The following DISC1 variants were observed in gnomAD, a reference collection of about 807,000 sequenced individuals.
DISC1 encodes the protein DISC1 scaffold protein.
DISC1 carries 57 observed loss-of-function variants against 84.5 expected under a neutral mutation model. That is an observed-to-expected ratio of 0.67 (90% CI 0.55 to 0.84). The LOEUF (loss-of-function observed/expected upper bound fraction) is 0.84, where lower values mean the gene tolerates loss of function less well. Ranked by LOEUF, DISC1 falls within the 40% of genes least tolerant of loss-of-function variation. The pLI, the probability that DISC1 is intolerant of heterozygous loss-of-function variation, is 0.00. For missense variants in DISC1, 1,000 were observed against 1,057.8 expected (o/e 0.95, Z 0.76); for synonymous variants, 411 against 415.2 (o/e 0.99, Z 0.12).
intron 1 of DISC1, among the ~76,000 whole-genome samples, chr1:231,673,062 G>C (rs2062777358): frequency 1.3e-5 from 2 of 152,142 alleles, no homozygotes; most frequent in African/African-American, 4.8e-5. Flanking sequence ...GACTCCCTGG[G>C]GCTTACCCCA....
At chr1:232,021,253 A>T (rs1668926742) in intron 11 of DISC1, among the ~76,000 whole-genome samples, 1 of 151,508 alleles carries the variant, frequency 6.6e-6, no homozygotes, top group African/African-American at 2.4e-5. Context: ...TGTGGGTCGT[A>T]TTGCACTCAG....
At chr1:232,024,792 A>G (rs1449026747) in intron 11 of DISC1, among the ~76,000 whole-genome samples, 1 of 151,746 alleles carries the variant, frequency 6.6e-6, no homozygotes, top group Non-Finnish European at 1.5e-5. Context: ...GGGTTTAACC[A>G]TGTTGGCCAG....
intron 9 of DISC1, among the ~76,000 whole-genome samples, chr1:231,930,531 C>T (rs11584798): frequency 0.17 from 25,247 of 151,926 alleles, 2,306 homozygotes; most frequent in Non-Finnish European, 0.21. Flanking sequence ...AGTCTCCTGC[C>T]TGGAAGTGAC....
chr1:231,837,052 A>G (rs968081597), intron 9 of DISC1, among the ~76,000 whole-genome samples: 2 of 152,152 alleles, frequency 1.3e-5, no homozygotes, highest in African/African-American at 2.4e-5. Flanking sequence ...ACTGAAGACT[A>G]TAAATAAATG....
chr1:231,647,149 C>T (rs2060206672), intron 1 of DISC1, among the ~76,000 whole-genome samples: 1 of 152,162 alleles, frequency 6.6e-6, no homozygotes, highest in Non-Finnish European at 1.5e-5. Flanking sequence ...ATGCCTATGT[C>T]CTGAAAGGTA....
At chr1:231,972,987 T>C (rs916497775) in intron 10 of DISC1, among the ~76,000 whole-genome samples, 3 of 151,906 alleles carry the variant, frequency 2.0e-5, no homozygotes. Context: ...TTTGATGGAT[T>C]CCAGTCAATT....
At chr1:231,889,395 C>T (rs553419969) in intron 9 of DISC1, among the ~76,000 whole-genome samples, 1 of 152,266 alleles carries the variant, frequency 6.6e-6, no homozygotes, top group South Asian at 2.1e-4. Flanking sequence ...GATAGGAAAA[C>T]TGAAGCCAGA....
chr1:232,023,647 A>T (rs555243697), intron 11 of DISC1, among the ~76,000 whole-genome samples: 3 of 152,238 alleles, frequency 2.0e-5, no homozygotes, highest in Admixed American at 2.0e-4. Flanking sequence ...GAAATGTAAA[A>T]CTGTATTTTA....
At chr1:231,669,861 C>G (rs1053273528) in intron 1 of DISC1, among the ~76,000 whole-genome samples, 1 of 152,032 alleles carries the variant, frequency 6.6e-6, no homozygotes, top group Non-Finnish European at 1.5e-5. Context: ...CCCAACAATT[C>G]TATTGTGGGG....
chr1:231,834,675 G>A lies in DISC1; in HGVS notation c.1981+16158G>A, dbSNP rs116539238. On this transcript the variant is annotated intron_variant, in intron 9 of 12. Transcript: ENST00000439617. The stretch of plus-strand genomic sequence containing the variant: ...AGAACACAGGCTAAGGGAGAAGAAG[G>A]GGGCAATGGGGGGCAGAAGCTTGCC... Among the ~76,000 whole-genome samples the A allele has an allele frequency of 6.0e-3, 915 of 152,030 alleles. 8 individuals are homozygous for A. The highest frequency in any genetic ancestry group is 0.021 in the African/African-American group (851 of 41,442).
At chr1:231,804,799 C>T (rs924501592) in intron 8 of DISC1, among the ~76,000 whole-genome samples, 1 of 152,102 alleles carries the variant, frequency 6.6e-6, no homozygotes, top group African/African-American at 2.4e-5. Context: ...GACCAGGATA[C>T]ACAGAGCTCT....
At chr1:231,647,468 C>T (rs1424014275) in intron 1 of DISC1, among the ~76,000 whole-genome samples, 1 of 152,158 alleles carries the variant, frequency 6.6e-6, no homozygotes, top group African/African-American at 2.4e-5. Flanking sequence ...TTACTGTAGC[C>T]TTGTAGTATA....
At chr1:231,898,200 T>C (rs540558574) in intron 9 of DISC1, among the ~76,000 whole-genome samples, 2 of 152,352 alleles carry the variant, frequency 1.3e-5, no homozygotes, top group East Asian at 3.9e-4. Flanking sequence ...ACAATGGTTA[T>C]AATAATATTT....
Position 231,864,233 on chromosome 1 carries a change from A to G in DISC1, c.1981+45716A>G, listed in dbSNP as rs1375437466. 2.0e-5 allele frequency among the ~76,000 whole-genome samples: 3 copies of G among 152,150 alleles called. No individual in the cohort carries two copies. In the East Asian group the frequency reaches 5.8e-4, roughly 29 times the overall value. ...AGATGAAAACAGAAAGGAATTTTAG[A>G]AGTTTTCATTTTTTTTTCCTACATC... On this transcript the variant is annotated intron_variant, in intron 9 of 12. Transcript: ENST00000439617.
At chr1:231,805,051 C>T (rs1435648770) in intron 8 of DISC1, among the ~76,000 whole-genome samples, 1 of 152,110 alleles carries the variant, frequency 6.6e-6, no homozygotes. Flanking sequence ...TTTGGAAGAA[C>T]CATGATGATA....
intron 3 of DISC1, chr1:231,720,979 G>A (rs1465475542): frequency 1.5e-6 from 2 of 1,290,788 alleles, no homozygotes; most frequent in African/African-American, 3.0e-5. Flanking sequence ...TTTCATTTGG[G>A]GTGAACAGCA....
intron 3 of DISC1, among the ~76,000 whole-genome samples, chr1:231,711,732 T>C (rs376157717): frequency 1.3e-5 from 2 of 152,184 alleles, no homozygotes; most frequent in African/African-American, 4.8e-5. Flanking sequence ...AGAGGACTTA[T>C]GATCTGGTGT....
At chr1:231,667,874 A>G (rs1426924197) in intron 1 of DISC1, among the ~76,000 whole-genome samples, 1 of 152,066 alleles carries the variant, frequency 6.6e-6, no homozygotes, top group African/African-American at 2.4e-5. Context: ...TACTTTATTG[A>G]GGTCTTATTG....
At chr1:232,005,919 T>C (rs896984694) in intron 10 of DISC1, among the ~76,000 whole-genome samples, 3 of 57,424 alleles carry the variant, frequency 5.2e-5, no homozygotes, top group African/African-American at 1.5e-4. Context: ...ATATTTTCAT[T>C]GAAAATTCCT....
Sources: allele counts gnomAD v4.1 joint callset (sites outside exome capture counted in the v4.1 genomes callset), GRCh38; gene constraint gnomAD v4.1.1; transcripts MANE v1.5; gene names NCBI Gene and HGNC (gene_info 2026-07-23, HGNC 2026-07-21).